TGFBR2: variants seen among roughly 807,000 people sequenced by gnomAD.
TGFBR2 encodes TGF-beta receptor type-2.
In TGFBR2, 18 loss-of-function variants were observed where a neutral mutation model predicts 49.0. The observed-to-expected ratio is 0.37, with a 90% CI of 0.25 to 0.54. The LOEUF (loss-of-function observed/expected upper bound fraction) is 0.54. TGFBR2 is among the 20% of genes least tolerant of loss of function. The pLI is 0.85. For missense variants in TGFBR2, 525 were observed against 722.6 expected (o/e 0.73, Z 3.13); for synonymous variants, 282 against 275.9 (o/e 1.02, Z -0.22).
In TGFBR2 at chr3:30,624,393, A is replaced by G. The variant is rs149811291; in HGVS notation, c.94+17416A>G. Among the ~76,000 whole-genome samples the G allele has an allele frequency of 7.7e-3, 1,175 of 152,196 alleles. 14 individuals are homozygous for G. Among genetic ancestry groups the G allele is most frequent in the South Asian group, 0.026 (126 of 4,818 alleles). On this transcript the variant is annotated intron_variant, in intron 1 of 6. Transcript: ENST00000295754. ...GGATCTTTGGGAGGCCGAGGAGGGCAGATCACGAGGTTAAGAGATTGAGAC... is the reference window on the plus strand; with the variant it reads ...GGATCTTTGGGAGGCCGAGGAGGGCGGATCACGAGGTTAAGAGATTGAGAC...
intron 1 of TGFBR2, among the ~76,000 whole-genome samples, chr3:30,638,612 T>G (rs1198583857): frequency 6.6e-6 from 1 of 152,226 alleles, no homozygotes; most frequent in Non-Finnish European, 1.5e-5. Context: ...AAGTTCCAAT[T>G]AGAGTGTGCA....
intron 1 of TGFBR2, among the ~76,000 whole-genome samples, chr3:30,629,359 C>G (rs1698394977): frequency 6.6e-6 from 1 of 152,198 alleles, no homozygotes; most frequent in Admixed American, 6.5e-5. Context: ...TCTCTTGGCT[C>G]TGGCCCTCCA....
intron 1 of TGFBR2, among the ~76,000 whole-genome samples, chr3:30,618,446 C>T (rs542471874): frequency 1.2e-3 from 178 of 152,136 alleles, no homozygotes; most frequent in Non-Finnish European, 2.0e-3. Flanking sequence ...CCATGTTGGT[C>T]AGGCTGGTCT....
rs183214018 is a variant in TGFBR2 at position 30,664,658 on chromosome 3, G to A, written c.455-6980G>A. Among the ~76,000 whole-genome samples, 83 of 152,322 alleles carry A rather than the reference G, an allele frequency of 5.4e-4. 1 individual carries two copies. In the Middle Eastern group the frequency reaches 0.01, roughly 19 times the overall value. ...TCTTATAACTTGAGTATGCATGTGCGCACACACATGCACACGCGCGTGCGC... is the reference window on the plus strand; with the variant it reads ...TCTTATAACTTGAGTATGCATGTGCACACACACATGCACACGCGCGTGCGC... On this transcript the variant is annotated intron_variant, in intron 3 of 6. Transcript: ENST00000295754.
At chr3:30,680,134 C>G (rs1334201863) in intron 5 of TGFBR2, among the ~76,000 whole-genome samples, 2 of 147,576 alleles carry the variant, frequency 1.4e-5, no homozygotes, top group Non-Finnish European at 3.0e-5. Context: ...CCCCCGCCCC[C>G]CAAAAAAAAT....
chr3:30,633,132 G>T (rs1485690425), intron 1 of TGFBR2, among the ~76,000 whole-genome samples: 1 of 152,162 alleles, frequency 6.6e-6, no homozygotes, highest in African/African-American at 2.4e-5. Flanking sequence ...GGGCTTGTGT[G>T]TCACCATTGG....
chr3:30,647,059 G>A (rs1387078056), intron 2 of TGFBR2, among the ~76,000 whole-genome samples: 1 of 152,058 alleles, frequency 6.6e-6, no homozygotes, highest in Non-Finnish European at 1.5e-5. Flanking sequence ...GGAAGTATAG[G>A]GTACGCTATA....
intron 1 of TGFBR2, among the ~76,000 whole-genome samples, chr3:30,617,545 A>G (rs1166030709): frequency 6.6e-6 from 1 of 152,160 alleles, no homozygotes; most frequent in African/African-American, 2.4e-5. Context: ...TATTTTTATA[A>G]TTTATATTGT....
intron 5 of TGFBR2, among the ~76,000 whole-genome samples, 196 bp from the exon 6 acceptor site, chr3:30,688,188 T>C (rs975051413): frequency 1.3e-5 from 2 of 152,244 alleles, no homozygotes; most frequent in Non-Finnish European, 2.9e-5. Flanking sequence ...ATTTATTGAA[T>C]ACTTCTCTAG....
intron 3 of TGFBR2, among the ~76,000 whole-genome samples, chr3:30,659,721 C>T (rs960226256): frequency 5.3e-5 from 8 of 151,240 alleles, no homozygotes; most frequent in African/African-American, 1.9e-4. Flanking sequence ...GCAGTCGGAC[C>T]CATACTGCTG....
chr3:30,640,767 A>G (rs1410764849), intron 1 of TGFBR2, among the ~76,000 whole-genome samples: 2 of 152,186 alleles, frequency 1.3e-5, no homozygotes, highest in African/African-American at 4.8e-5. Context: ...AACTAGAGAG[A>G]CTTAGACTAA....
chr3:30,607,129 C>T (rs1697937800), intron 1 of TGFBR2, 152 bp downstream of exon 1: 5 of 634,958 alleles, frequency 7.9e-6, no homozygotes, highest in South Asian at 7.7e-5. Context: ...GCCCGACTCC[C>T]GTAGCTGCAG....
At chr3:30,648,460 A>ACC (rs759880041) in intron 2 of TGFBR2, among the ~76,000 whole-genome samples, 3,087 of 142,446 alleles carry the variant, frequency 0.022, 91 homozygotes, top group African/African-American at 0.045. Context: ...ACACACACAC[A>ACC]CAAAACTGTG....
At chr3:30,618,218 T>C (rs1698163946) in intron 1 of TGFBR2, among the ~76,000 whole-genome samples, 2 of 151,572 alleles carry the variant, frequency 1.3e-5, no homozygotes, top group Admixed American at 6.6e-5. Context: ...GACCCATTTC[T>C]TTTTTCTTTC....
At chr3:30,663,293 G>T (rs1699181292) in intron 3 of TGFBR2, among the ~76,000 whole-genome samples, 1 of 151,816 alleles carries the variant, frequency 6.6e-6, no homozygotes, top group East Asian at 1.9e-4. Flanking sequence ...AGGTTAATGG[G>T]TCTATTGTTT....
intron 3 of TGFBR2, among the ~76,000 whole-genome samples, chr3:30,664,684 G>GCA (rs1162997080): frequency 6.6e-6 from 1 of 152,202 alleles, no homozygotes; most frequent in Admixed American, 6.5e-5. Context: ...GCGCGTGCGC[G>GCA]CACACACACG....
At chr3:30,691,399 T>G (rs780487328) in intron 6 of TGFBR2, 21 bp from the exon 7 acceptor site, 1 of 1,613,682 alleles carries the variant, frequency 6.2e-7, no homozygotes, top group East Asian at 2.2e-5. Context: ...TGGTGCCCTT[T>G]GGATCTCTTT....
At chr3:30,633,843 T>C (rs1333691644) in intron 1 of TGFBR2, among the ~76,000 whole-genome samples, 2 of 152,242 alleles carry the variant, frequency 1.3e-5, no homozygotes, top group Non-Finnish European at 2.9e-5. Context: ...TGTCCAGCTC[T>C]TGTACCCACT....
At chr3:30,678,467 G>T (rs1575160812) in intron 5 of TGFBR2, among the ~76,000 whole-genome samples, 1 of 144,962 alleles carries the variant, frequency 6.9e-6, no homozygotes, top group East Asian at 2.1e-4. Context: ...AGAATGGTGT[G>T]AACCCGGGAG....
Sources: gnomAD v4.1 joint callset for allele counts (sites outside exome capture counted in the v4.1 genomes callset) on GRCh38, gnomAD v4.1.1 for gene constraint, MANE v1.5 for transcripts, NCBI Gene and HGNC (gene_info 2026-07-23, HGNC 2026-07-21) for gene names.